SPECC1: variants seen among roughly 807,000 people sequenced by gnomAD.
SPECC1 encodes sperm antigen with calponin homology and coiled-coil domains 1.
Under a neutral mutation model 104.1 loss-of-function variants are expected in SPECC1, and 62 were observed. The ratio of observed to expected loss-of-function variants is 0.60; its 90% confidence interval spans 0.49 to 0.74. The LOEUF is 0.74. Among genes scored for constraint, SPECC1 ranks in the 30% least tolerant of loss-of-function variants. The probability of loss-of-function intolerance (pLI) is 0.00; values close to 1 mark genes in which losing one functional copy is unlikely to be tolerated. For missense variants in SPECC1, 1,306 were observed against 1,310.5 expected (o/e 1.00, Z 0.05); for synonymous variants, 513 against 501.6 (o/e 1.02, Z -0.30).
chr17:20,299,575 A>AAAAAG (rs1372716483), intron 13 of SPECC1, among the ~76,000 whole-genome samples: 50 of 118,248 alleles, frequency 4.2e-4, no homozygotes, highest in South Asian at 5.1e-4. Flanking sequence ...AAAAAAAAAA[A>AAAAAG]AAAAGAAAAG....
rs879865216 is a variant in SPECC1 at position 20,123,548 on chromosome 17, C to A, written c.283+12986C>A. On this transcript the variant is annotated intron_variant, in intron 3 of 14. Transcript: ENST00000395527. ...CATGAGGAGGGAATAACTCTGTCCT[C>A]TCTGACATGAGGAGGGGAACTCGTC... Among the ~76,000 whole-genome samples the A allele has an allele frequency of 4.8e-3, 732 of 152,360 alleles. 3 individuals are homozygous for A. The highest frequency in any genetic ancestry group is 0.013 in the African/African-American group (532 of 41,580).
intron 3 of SPECC1, among the ~76,000 whole-genome samples, chr17:20,196,849 T>TG (rs1475676149): frequency 6.6e-6 from 1 of 152,232 alleles, no homozygotes; most frequent in Non-Finnish European, 1.5e-5. Context: ...ATATCTGACC[T>TG]GCATAATTTA....
intron 3 of SPECC1, among the ~76,000 whole-genome samples, chr17:20,158,969 T>TG (rs909067312): frequency 1.1e-4 from 17 of 151,842 alleles, no homozygotes; most frequent in South Asian, 2.1e-4. Context: ...TTTTTGTTTT[T>TG]TTTTTTGAGA....
chr17:20,085,726 C>T (rs1327061335), intron 1 of SPECC1, among the ~76,000 whole-genome samples: 2 of 152,226 alleles, frequency 1.3e-5, no homozygotes, highest in African/African-American at 2.4e-5. Flanking sequence ...AAATCAGCCA[C>T]ATTCAGTGAT....
chr17:20,223,238 C>T (rs1300719456), intron 4 of SPECC1, among the ~76,000 whole-genome samples: 1 of 151,460 alleles, frequency 6.6e-6, no homozygotes, highest in Non-Finnish European at 1.5e-5. Context: ...TAAATTTTGT[C>T]TCCTCTGTAT....
intron 4 of SPECC1, among the ~76,000 whole-genome samples, chr17:20,206,790 A>T (rs2036813347): frequency 6.6e-6 from 1 of 152,178 alleles, no homozygotes; most frequent in Non-Finnish European, 1.5e-5. Flanking sequence ...GCCCTTCAGA[A>T]ATATTATGCC....
At position 20,318,011 on chromosome 17, in the gene SPECC1, CTTAT is replaced by C. The variant is rs200737869; in HGVS notation, c.*3949_*3952del. ...GTTGGCAGGAAAACAAGGTCAGCAT[CTTAT>C]TTTTTCTATACTCAGCAGAGTGTGC... On this transcript the variant is annotated 3_prime_UTR_variant, in exon 15 of 15. Transcript: ENST00000395527. 3.3e-3 allele frequency: 767 copies of C among 229,926 alleles called. 27 individuals are homozygous for C. The East Asian group carries it at 0.047, about 14-fold the overall frequency. 14.2% of individuals were successfully genotyped at this position (229,926 alleles called of 1,614,324 possible). A position where few individuals can be genotyped will look rare whatever the true frequency, so the allele number is the denominator to read the frequency against.
chr17:20,133,114 T>C (rs560970914), intron 3 of SPECC1, among the ~76,000 whole-genome samples: 129 of 152,316 alleles, frequency 8.5e-4, no homozygotes, highest in Admixed American at 2.6e-3. Context: ...ATCCCCAGTT[T>C]CATTCCTGCC....
At chr17:20,010,738 A>G (rs1476127397) in intron 1 of SPECC1, among the ~76,000 whole-genome samples, 1 of 152,192 alleles carries the variant, frequency 6.6e-6, no homozygotes, top group African/African-American at 2.4e-5. Context: ...CTCTCGCTGC[A>G]GTGTTGACTA....
intron 1 of SPECC1, among the ~76,000 whole-genome samples, chr17:20,026,224 A>G (rs1294899080): frequency 2.0e-5 from 3 of 151,780 alleles, no homozygotes; most frequent in East Asian, 1.9e-4. Context: ...ATACATATTT[A>G]TGAGGTACAG....
At chr17:20,044,052 C>T (rs910516370) in intron 1 of SPECC1, among the ~76,000 whole-genome samples, 1 of 152,040 alleles carries the variant, frequency 6.6e-6, no homozygotes, top group Non-Finnish European at 1.5e-5. Context: ...TTAAATTGTG[C>T]TAAACAGACT....
Position 20,113,031 on chromosome 17 carries a change from T to C in SPECC1, c.283+2469T>C, listed in dbSNP as rs1435291973. 7.4e-6 allele frequency: 6 copies of C among 814,388 alleles called. No individual in the cohort carries two copies. The East Asian group carries it at 1.4e-4, about 20-fold the overall frequency. The allele number at this position is 814,388 out of a possible 1,614,324, so 50.4% of individuals were successfully genotyped here. A position where few individuals can be genotyped will look rare whatever the true frequency, so the allele number is the denominator to read the frequency against. On this transcript the variant is annotated intron_variant, in intron 3 of 14. Coordinates refer to ENST00000395527, the MANE Select transcript of SPECC1 (RefSeq NM_001243439.2). Reference sequence around the variant, plus strand: ...GAGGAACATGTACAAGATGAAAATGTTTTCCTTATCACTTTTCTTTCTCCA... The same window carrying C: ...GAGGAACATGTACAAGATGAAAATGCTTTCCTTATCACTTTTCTTTCTCCA...
chr17:20,298,493 T>C lies in SPECC1; in HGVS notation c.3057+1416T>C, dbSNP rs1393509613. Among the ~76,000 whole-genome samples the C allele has an allele frequency of 2.6e-4, 39 of 152,166 alleles. 1 individual carries two copies. The highest frequency in any genetic ancestry group is 5.9e-5 in the Non-Finnish European group (4 of 68,026). On this transcript the variant is annotated intron_variant, in intron 13 of 14. Transcript: ENST00000395527. Reference sequence around the variant, plus strand: ...GTTAGTGGGGCCAGAGAGGCTGTGCTGATCCAGGGAAGTGGAGGGGGCAGA... The same window carrying C: ...GTTAGTGGGGCCAGAGAGGCTGTGCCGATCCAGGGAAGTGGAGGGGGCAGA...
At chr17:20,021,695 TATATATA>T (rs1567797524) in intron 1 of SPECC1, among the ~76,000 whole-genome samples, 112 of 112,266 alleles carry the variant, frequency 1.0e-3, no homozygotes, top group African/African-American at 4.9e-3. Flanking sequence ...TATATATATA[TATATATA>T]TTTTTTTGTA....
At position 20,311,100 on chromosome 17, in the gene SPECC1, G is replaced by GT. The variant is rs1567626515; in HGVS notation, c.3118-2876_3118-2875insT. 3.3e-3 allele frequency among the ~76,000 whole-genome samples: 427 copies of GT among 130,946 alleles called. 7 individuals carry two copies. The highest frequency in any genetic ancestry group is 0.012 in the African/African-American group (367 of 31,838). 85.9% of individuals were successfully genotyped at this position (130,946 alleles called of 152,430 possible). A position where few individuals can be genotyped will look rare whatever the true frequency, so the allele number is the denominator to read the frequency against. On this transcript the variant is annotated intron_variant, in intron 14 of 14. Coordinates refer to ENST00000395527, the MANE Select transcript of SPECC1 (RefSeq NM_001243439.2). Reference sequence around the variant, plus strand: ...CCTTGTTAGATTTAGACCTTAGTGGGGTTTTTTTTTTTTTTTTTTTGGTGC... The same window carrying GT: ...CCTTGTTAGATTTAGACCTTAGTGGGTGTTTTTTTTTTTTTTTTTTTGGTGC...
At chr17:20,234,238 T>G (rs2038771548) in intron 7 of SPECC1, among the ~76,000 whole-genome samples, 1 of 152,196 alleles carries the variant, frequency 6.6e-6, no homozygotes, top group Non-Finnish European at 1.5e-5. Flanking sequence ...AATCTAACAG[T>G]TTAATCCCTT....
intron 3 of SPECC1, among the ~76,000 whole-genome samples, chr17:20,180,778 A>G (rs1304593141): frequency 6.6e-6 from 1 of 152,230 alleles, no homozygotes; most frequent in East Asian, 1.9e-4. Flanking sequence ...ACAAAAAAGC[A>G]AAAGTATAGA....
At chr17:20,237,429 C>T (rs996953681) in intron 7 of SPECC1, 2 of 348,234 alleles carry the variant, frequency 5.7e-6, no homozygotes, top group African/African-American at 2.2e-5. Context: ...ATTCTCTTGC[C>T]TCAGCCTTCC....
chr17:20,118,757 G>A (rs757010935), intron 3 of SPECC1, among the ~76,000 whole-genome samples: 2 of 152,114 alleles, frequency 1.3e-5, no homozygotes, highest in Non-Finnish European at 2.9e-5. Flanking sequence ...TGCATACATT[G>A]CTATACAAAA....
Sources: allele counts gnomAD v4.1 joint callset (sites outside exome capture counted in the v4.1 genomes callset), GRCh38; gene constraint gnomAD v4.1.1; transcripts MANE v1.5; gene names NCBI Gene and HGNC (gene_info 2026-07-23, HGNC 2026-07-21).